UBE3D: variants seen among roughly 807,000 people sequenced by gnomAD.
UBE3D encodes the protein ubiquitin protein ligase E3D.
In UBE3D, 48 loss-of-function variants were observed where a neutral mutation model predicts 49.6. The ratio of observed to expected loss-of-function variants is 0.97; its 90% CI spans 0.77 to 1.23. UBE3D has a LOEUF of 1.23. UBE3D is among the 50% of genes most tolerant of loss of function. UBE3D has a pLI of 0.00. For missense variants in UBE3D, 452 were observed against 468.4 expected (o/e 0.96, Z 0.32); for synonymous variants, 189 against 174.2 (o/e 1.08, Z -0.67).
intron 9 of UBE3D, among the ~76,000 whole-genome samples, chr6:82,930,222 C>T (rs1159824162): frequency 6.6e-6 from 1 of 152,180 alleles, no homozygotes; most frequent in Non-Finnish European, 1.5e-5. Flanking sequence ...TTTGCCACTA[C>T]TGTGCATTTC....
chr6:82,967,475 G>A (rs1777030804), intron 8 of UBE3D, among the ~76,000 whole-genome samples: 1 of 151,808 alleles, frequency 6.6e-6, no homozygotes, highest in East Asian at 1.9e-4. Flanking sequence ...CTTCCCCATC[G>A]CCTCCACTCC....
chr6:83,011,143 TA>T lies in UBE3D; in HGVS notation c.1010+7829del, dbSNP rs1780309889. Among the ~76,000 whole-genome samples the T allele has an allele frequency of 2.0e-5, 3 of 152,230 alleles. No individual in the cohort carries two copies. In the South Asian group the frequency reaches 6.2e-4, roughly 32 times the overall value. On this transcript the variant is annotated intron_variant, in intron 8 of 9. Transcript: ENST00000369747. ...TCTATTCCATAAAGTTAACAATACTTAAAAGCTGATATGAAGTCAATAAACT... is the reference window on the plus strand; with the variant it reads ...TCTATTCCATAAAGTTAACAATACTTAAAGCTGATATGAAGTCAATAAACT...
In UBE3D at chr6:83,022,491, A is replaced by G. The variant is rs1490154896; in HGVS notation, c.808T>C (p.Phe270Leu). The G allele has an allele frequency of 1.9e-6, 3 of 1,606,618 alleles. No homozygotes were observed. Among genetic ancestry groups the G allele is most frequent in the East Asian group, 2.3e-5 (1 of 44,218 alleles). The change falls in exon 7 of 10, where the codon TTC (phenylalanine) becomes CTC (leucine). Residue 270 changes from phenylalanine to leucine, a missense_variant. Phe to Leu is a conservative substitution (Grantham distance 22, BLOSUM62 0). Transcript: ENST00000369747. ...TTGTCATCCTGACCTTGAATCGTGAATCTAAAAGTGCTTCTAGCAGAGGAG... is the reference window on the plus strand; with the variant it reads ...TTGTCATCCTGACCTTGAATCGTGAGTCTAAAAGTGCTTCTAGCAGAGGAG... The part of the protein sequence containing the change: ...QLSSARSTFR[F>L]TIQGQDDKVY...
intron 9 of UBE3D, among the ~76,000 whole-genome samples, chr6:82,949,770 A>G (rs766561204): frequency 1.3e-5 from 2 of 152,174 alleles, no homozygotes; most frequent in Non-Finnish European, 2.9e-5. Context: ...GGGGAAAGAC[A>G]GTCTCTTCAA....
At chr6:83,017,980 T>C (rs1780813195) in intron 8 of UBE3D, 1 of 152,038 alleles carries the variant, frequency 6.6e-6, no homozygotes, top group African/African-American at 2.4e-5. Flanking sequence ...CATGTTTAGG[T>C]GCAAAATGAA....
At chr6:82,924,801 T>C (rs902218967) in intron 9 of UBE3D, 4 of 152,194 alleles carry the variant, frequency 2.6e-5, no homozygotes, top group Admixed American at 2.0e-4. Context: ...AAATGCATAG[T>C]ATTTATAGTA....
chr6:82,993,015 T>C (rs746183315), intron 8 of UBE3D, among the ~76,000 whole-genome samples: 1 of 151,898 alleles, frequency 6.6e-6, no homozygotes, highest in East Asian at 1.9e-4. Context: ...ACCTACCACC[T>C]AACACAGTAT....
chr6:82,963,692 G>A (rs183567749), intron 8 of UBE3D, among the ~76,000 whole-genome samples: 5 of 152,202 alleles, frequency 3.3e-5, no homozygotes, highest in Admixed American at 3.3e-4. Context: ...CAGATTAAGG[G>A]TGGGTCTGCC....
In UBE3D at chr6:83,044,444, T is replaced by C; in HGVS notation, c.581A>G (p.Asp194Gly). 1.2e-6 allele frequency: 2 copies of C among 1,614,110 alleles called. No homozygotes were observed. The highest frequency in any genetic ancestry group is 1.7e-5 in the Admixed American group (1 of 60,028). The change falls in exon 4 of 10, where the codon GAC becomes GGC. Residue 194 changes from aspartate (D) to glycine (G), a missense_variant. Coordinates refer to ENST00000369747, the MANE Select transcript of UBE3D (RefSeq NM_198920.3). ...ATATTTTACCAATTTACAATGGTTGTCAGAAGAAACACAGCACATCTCCAC... is the reference window on the plus strand; with the variant it reads ...ATATTTTACCAATTTACAATGGTTGCCAGAAGAAACACAGCACATCTCCAC... ...SPVEMCCVSS[D>G]NHCKLEPKAN...
At chr6:83,062,969 T>C (rs1441668817) in intron 1 of UBE3D, among the ~76,000 whole-genome samples, 2 of 152,146 alleles carry the variant, frequency 1.3e-5, no homozygotes, top group African/African-American at 2.4e-5. Context: ...TAAAACGATA[T>C]AACTCCTAGA....
rs1259677156 is a variant in UBE3D at position 82,892,813 on chromosome 6, C to T, written c.*209G>A. 2 of 585,548 alleles carry T rather than the reference C, an allele frequency of 3.4e-6. No homozygotes were observed. Among genetic ancestry groups the T allele is most frequent in the African/African-American group, 3.8e-5 (2 of 53,216 alleles). 36.3% of individuals were successfully genotyped at this position (585,548 alleles called of 1,614,324 possible). ...CTCAACCTGCTACTATGACTTTCTT[C>T]ACAGTCCTGGGTTTTCAAAGATCTA... On this transcript the variant is annotated 3_prime_UTR_variant, in exon 10 of 10. Coordinates refer to ENST00000369747, the MANE Select transcript of UBE3D (RefSeq NM_198920.3).
chr6:83,059,841 C>T (rs1385932239), intron 1 of UBE3D, among the ~76,000 whole-genome samples: 1 of 152,164 alleles, frequency 6.6e-6, no homozygotes, highest in African/African-American at 2.4e-5. Context: ...CTGTGGAGGG[C>T]ATCCACCAGG....
At chr6:83,061,662 A>C (rs762495226) in intron 1 of UBE3D, among the ~76,000 whole-genome samples, 15 of 152,236 alleles carry the variant, frequency 9.9e-5, no homozygotes, top group Non-Finnish European at 2.1e-4. Flanking sequence ...TGTTGTTAAA[A>C]TTCTAGGAGT....
chr6:83,063,120 C>CA, intron 1 of UBE3D: 6 of 246,328 alleles, frequency 2.4e-5, no homozygotes, highest in South Asian at 7.3e-5. Flanking sequence ...AGGACACTAT[C>CA]AAAAAAACGA....
chr6:82,959,061 C>T (rs1776361975), intron 8 of UBE3D, among the ~76,000 whole-genome samples: 1 of 151,948 alleles, frequency 6.6e-6, no homozygotes, highest in Admixed American at 6.6e-5. Context: ...GGGTGATAAG[C>T]GCTGTTTTCT....
At chr6:82,933,080 G>C (rs570405099) in intron 9 of UBE3D, among the ~76,000 whole-genome samples, 3 of 152,000 alleles carry the variant, frequency 2.0e-5, no homozygotes, top group Admixed American at 6.6e-5. Flanking sequence ...GGTTTTTTTG[G>C]GGGGTGGGGG....
chr6:83,056,689 TTC>T (rs1783834876), intron 2 of UBE3D, among the ~76,000 whole-genome samples: 1 of 152,162 alleles, frequency 6.6e-6, no homozygotes, highest in African/African-American at 2.4e-5. Context: ...CCTCTCTATC[TTC>T]TCTTTCCTCA....
intron 9 of UBE3D, among the ~76,000 whole-genome samples, chr6:82,911,713 AAT>A (rs1360658304): frequency 1.3e-5 from 2 of 152,164 alleles, no homozygotes; most frequent in Non-Finnish European, 2.9e-5. Flanking sequence ...CTAAATAATG[AAT>A]AGTTTTCCCC....
At chr6:82,947,446 C>T (rs942077930) in intron 9 of UBE3D, among the ~76,000 whole-genome samples, 1 of 151,968 alleles carries the variant, frequency 6.6e-6, no homozygotes, top group African/African-American at 2.4e-5. Flanking sequence ...ACCAAATAAA[C>T]CTAAAAGATA....
Sources: allele counts gnomAD v4.1 joint callset (sites outside exome capture counted in the v4.1 genomes callset), GRCh38; gene constraint gnomAD v4.1.1; transcripts MANE v1.5; gene names NCBI Gene and HGNC (gene_info 2026-07-23, HGNC 2026-07-21).